Variants in DNAI7 observed in about 807,000 individuals in gnomAD.
DNAI7 encodes the protein dynein axonemal intermediate chain 7.
Under a neutral mutation model 86.6 loss-of-function variants are expected in DNAI7, and 78 were observed. That is an observed-to-expected ratio of 0.90 (90% CI 0.75 to 1.09). The LOEUF is 1.09. Ranked by LOEUF, DNAI7 falls within the 50% of genes least tolerant of loss-of-function variation. The pLI is 0.00. For missense variants in DNAI7, 753 were observed against 810.2 expected, an observed-to-expected ratio of 0.93 and a Z score of 0.86; for synonymous variants, 274 against 273.0, an observed-to-expected ratio of 1.00 and a Z score of -0.04.
At chr12:25,163,651 G>A (rs931934865) in intron 2 of DNAI7, among the ~76,000 whole-genome samples, 1 of 152,084 alleles carries the variant, frequency 6.6e-6, no homozygotes, top group Non-Finnish European at 1.5e-5. Context: ...TTGGATCAGG[G>A]GACCTCCCTT....
chr12:25,182,913 A>G (rs993550504), intron 2 of DNAI7, among the ~76,000 whole-genome samples: 2 of 151,708 alleles, frequency 1.3e-5, no homozygotes, highest in Non-Finnish European at 2.9e-5. Flanking sequence ...AATGAAGTGA[A>G]AAGAAGAAAG....
chr12:25,137,660 CAT>C (rs780646032), intron 9 of DNAI7, among the ~76,000 whole-genome samples: 3 of 152,028 alleles, frequency 2.0e-5, no homozygotes, highest in Non-Finnish European at 4.4e-5. Context: ...TCATCTAACA[CAT>C]AGAGTCACAT....
At chr12:25,119,733 A>G (rs1940895497) in intron 11 of DNAI7, among the ~76,000 whole-genome samples, 1 of 152,222 alleles carries the variant, frequency 6.6e-6, no homozygotes, top group South Asian at 2.1e-4. Context: ...AGAGAAAAAG[A>G]AACATATAGA....
chr12:25,123,966 A>C (rs906326904), intron 9 of DNAI7, among the ~76,000 whole-genome samples: 2 of 151,984 alleles, frequency 1.3e-5, no homozygotes, highest in African/African-American at 4.8e-5. Flanking sequence ...CAAATAAGAT[A>C]ATGGAAATAA....
At chr12:25,150,330 C>CCT (rs1945357131) in intron 6 of DNAI7, among the ~76,000 whole-genome samples, 1 of 151,976 alleles carries the variant, frequency 6.6e-6, no homozygotes, top group Non-Finnish European at 1.5e-5. Context: ...GGAGGCCGGG[C>CCT]GCAGTGGCTC....
At chr12:25,188,147 G>T (rs1333227595) in intron 2 of DNAI7, among the ~76,000 whole-genome samples, 1 of 152,184 alleles carries the variant, frequency 6.6e-6, no homozygotes, top group East Asian at 1.9e-4. Flanking sequence ...TACAATGATT[G>T]TAAGATACTA....
chr12:25,114,735 C>G lies in DNAI7; in HGVS notation c.1532G>C (p.Trp511Ser), dbSNP rs1273652539. ...DAHINMPYQSWELRPLDVNKV... is the reference protein window; with the variant it reads ...DAHINMPYQSSELRPLDVNKV... ...ATTTACATCAAGTGGTCTTAGTTCC[C>G]ATGACTGGTACGGCATGTTAATATG... Residue 511 changes from tryptophan to serine, a missense_variant, in exon 13 of 16, where the codon TGG becomes TCG. Trp to Ser is a radical substitution (Grantham distance 177). Coordinates refer to ENST00000395987, the MANE Select transcript of DNAI7 (RefSeq NM_018272.5). The G allele has an allele frequency of 1.2e-6, 2 of 1,613,746 alleles. No homozygotes were observed. The highest frequency in any genetic ancestry group is 4.5e-5 in the East Asian group (2 of 44,874).
intron 11 of DNAI7, among the ~76,000 whole-genome samples, chr12:25,120,739 T>TA (rs937637109): frequency 2.0e-5 from 3 of 151,412 alleles, no homozygotes; most frequent in African/African-American, 4.8e-5. Context: ...AAAATAAAAA[T>TA]AAAAAAAATA....
chr12:25,129,761 ATT>A (rs1165494687), intron 9 of DNAI7, among the ~76,000 whole-genome samples: 1 of 71,816 alleles, frequency 1.4e-5, no homozygotes, highest in African/African-American at 3.1e-5. Context: ...TTTTTATTTT[ATT>A]TTTATTTTTT....
At chr12:25,149,894 C>G (rs1444836260) in intron 6 of DNAI7, 120 bp from the exon 7 acceptor site, 9 of 586,144 alleles carry the variant, frequency 1.5e-5, no homozygotes, top group South Asian at 2.6e-5. Context: ...ATATAGAAAC[C>G]TTTCCTGTAT....
intron 11 of DNAI7, among the ~76,000 whole-genome samples, chr12:25,120,170 G>A (rs1940965167): frequency 6.6e-6 from 1 of 151,990 alleles, no homozygotes; most frequent in African/African-American, 2.4e-5. Flanking sequence ...GAAAATAACG[G>A]GGGAGAAAAG....
intron 13 of DNAI7, among the ~76,000 whole-genome samples, chr12:25,113,372 G>T (rs1939384230): frequency 6.6e-6 from 1 of 152,050 alleles, no homozygotes; most frequent in Admixed American, 6.6e-5. Flanking sequence ...CACAATCTTG[G>T]CTCACTGCAA....
chr12:25,111,694 TATTAA>T lies in DNAI7; in HGVS notation c.1779+73_1779+77del, dbSNP rs761300318. ...AATATATAAAATACAGTGTATATAA[TATTAA>T]ATTATATAACATTTAATAATTGCTA... On this transcript the variant is annotated intron_variant, in intron 14 of 15. Coordinates refer to ENST00000395987, the MANE Select transcript of DNAI7 (RefSeq NM_018272.5). The T allele has an allele frequency of 3.3e-4, 256 of 784,162 alleles. 1 individual carries two copies. The highest frequency in any genetic ancestry group is 4.5e-4 in the Non-Finnish European group (246 of 549,134). The allele number at this position is 784,162 out of a possible 1,614,324, so 48.6% of individuals were successfully genotyped here.
At chr12:25,160,497 T>TG (rs1290940182) in intron 3 of DNAI7, among the ~76,000 whole-genome samples, 1 of 152,234 alleles carries the variant, frequency 6.6e-6, no homozygotes, top group Non-Finnish European at 1.5e-5. Context: ...ACCTGCTACC[T>TG]GCTCTGCCCT....
chr12:25,175,327 C>A (rs149578171), intron 2 of DNAI7, among the ~76,000 whole-genome samples: 1 of 152,146 alleles, frequency 6.6e-6, no homozygotes, highest in Admixed American at 6.5e-5. Flanking sequence ...TTTTTGTCTG[C>A]CTTCCTTCCC....
At chr12:25,138,981 GA>G (rs1943885097) in intron 9 of DNAI7, among the ~76,000 whole-genome samples, 1 of 151,582 alleles carries the variant, frequency 6.6e-6, no homozygotes. Flanking sequence ...AAGAAAAGAA[GA>G]GAGAAGATTC....
chr12:25,113,046 C>G (rs1243149426), intron 13 of DNAI7, among the ~76,000 whole-genome samples: 1 of 152,144 alleles, frequency 6.6e-6, no homozygotes, highest in African/African-American at 2.4e-5. Flanking sequence ...GGAAGAATCT[C>G]TGCACAAGGG....
rs12307733 is a variant in DNAI7 at position 25,185,841 on chromosome 12, G to A, written c.21+4773C>T. On this transcript the variant is annotated intron_variant, in intron 2 of 15. Transcript: ENST00000395987. The stretch of plus-strand genomic sequence containing the variant: ...CTATAGCAATAAGCACCCCCCTTTT[G>A]CCCATTCATTACAGTCCCATTCCTG... 0.013 allele frequency: 8,685 copies of A among 670,630 alleles called. 564 individuals are homozygous for A. The African/African-American group carries it at 0.14, about 11-fold the overall frequency. The allele number at this position is 670,630 out of a possible 1,614,324, so 41.5% of individuals were successfully genotyped here. A position where few individuals can be genotyped will look rare whatever the true frequency, so the allele number is the denominator to read the frequency against.
chr12:25,142,633 C>T (rs997866378), intron 9 of DNAI7, among the ~76,000 whole-genome samples: 6 of 152,046 alleles, frequency 3.9e-5, no homozygotes, highest in Non-Finnish European at 7.4e-5. Context: ...TTTTATGGTT[C>T]CAAATTATTA....
Sources: allele counts gnomAD v4.1 joint callset (sites outside exome capture counted in the v4.1 genomes callset), GRCh38; gene constraint gnomAD v4.1.1; transcripts MANE v1.5; gene names NCBI Gene and HGNC (gene_info 2026-07-23, HGNC 2026-07-21).